CSMD1: variants seen among roughly 807,000 people sequenced by gnomAD.
The protein encoded by CSMD1 is CUB and sushi domain-containing protein 1.
A neutral mutation model predicts 417.5 loss-of-function variants in CSMD1; 213 were observed. The ratio of observed to expected loss-of-function variants is 0.51; its 90% CI spans 0.46 to 0.57. CSMD1 has a LOEUF of 0.57. Among genes scored for constraint, CSMD1 ranks in the 20% least tolerant of loss-of-function variants. The pLI is 0.00. For synonymous variants in CSMD1, 2,862 were observed against 1,736.8 expected, an observed-to-expected ratio of 1.65 and a Z score of -16.11; for missense variants, 6,923 against 4,529.7, an observed-to-expected ratio of 1.53 and a Z score of -15.17.
At chr8:3,045,967 T>A (rs1304323469) in intron 50 of CSMD1, among the ~76,000 whole-genome samples, 1 of 152,166 alleles carries the variant, frequency 6.6e-6, no homozygotes, top group Non-Finnish European at 1.5e-5. Context: ...ACCAATATGG[T>A]GTGTAGCCCT....
chr8:4,409,040 T>C (rs1223537375), intron 3 of CSMD1, among the ~76,000 whole-genome samples: 3 of 152,180 alleles, frequency 2.0e-5, no homozygotes, highest in Admixed American at 6.5e-5. Context: ...CACTTTGTCA[T>C]TTGGGTGCAC....
At chr8:3,251,365 G>C (rs1304020171) in intron 26 of CSMD1, among the ~76,000 whole-genome samples, 5 of 152,166 alleles carry the variant, frequency 3.3e-5, no homozygotes, top group Non-Finnish European at 5.9e-5. Context: ...TCAAAGATCA[G>C]ATAGTTGTAG....
chr8:3,306,084 A>G (rs1312394478), intron 25 of CSMD1, among the ~76,000 whole-genome samples: 2 of 152,000 alleles, frequency 1.3e-5, no homozygotes, highest in East Asian at 1.9e-4. Flanking sequence ...TGTAGGGAGA[A>G]CCTTTCTCAT....
chr8:4,330,642 T>G (rs1355633199), intron 3 of CSMD1, among the ~76,000 whole-genome samples: 2 of 152,112 alleles, frequency 1.3e-5, no homozygotes, highest in African/African-American at 4.8e-5. Flanking sequence ...ATATTTTATT[T>G]GTTTTCACAA....
At chr8:3,755,491 T>A (rs1797607864) in intron 5 of CSMD1, among the ~76,000 whole-genome samples, 1 of 151,966 alleles carries the variant, frequency 6.6e-6, no homozygotes, top group Non-Finnish European at 1.5e-5. Flanking sequence ...TTAAGCAAAT[T>A]GCTTTTAGCA....
At chr8:4,456,002 A>G (rs1007659620) in intron 2 of CSMD1, among the ~76,000 whole-genome samples, 1 of 135,860 alleles carries the variant, frequency 7.4e-6, no homozygotes, top group African/African-American at 2.7e-5. Flanking sequence ...TAAATTGCTT[A>G]TCTTCTCCTT....
chr8:4,562,860 T>C (rs917685279), intron 2 of CSMD1, among the ~76,000 whole-genome samples: 19 of 152,244 alleles, frequency 1.2e-4, no homozygotes, highest in African/African-American at 4.3e-4. Flanking sequence ...GCCTCCAAAA[T>C]ACCCACAAAA....
intron 3 of CSMD1, among the ~76,000 whole-genome samples, chr8:4,145,324 G>C (rs529052416): frequency 6.6e-6 from 1 of 150,946 alleles, no homozygotes; most frequent in East Asian, 1.9e-4. Flanking sequence ...ACCATTTTTT[G>C]AGGAAAAAAA....
chr8:3,140,511 C>T (rs954712269), intron 41 of CSMD1, among the ~76,000 whole-genome samples: 1 of 152,144 alleles, frequency 6.6e-6, no homozygotes, highest in Non-Finnish European at 1.5e-5. Flanking sequence ...CTGGTTTAGT[C>T]TCCAGTTTCC....
At chr8:4,923,030 A>G (rs180723965) in intron 1 of CSMD1, among the ~76,000 whole-genome samples, 333 of 152,326 alleles carry the variant, frequency 2.2e-3, no homozygotes, top group Non-Finnish European at 3.9e-3. Context: ...ATGGGGTGCT[A>G]CTACTCAGGC....
chr8:4,671,345 C>T (rs1433114017), intron 1 of CSMD1, among the ~76,000 whole-genome samples: 1 of 152,074 alleles, frequency 6.6e-6, no homozygotes, highest in Non-Finnish European at 1.5e-5. Context: ...CTAATTGATG[C>T]TGTTTATCTA....
chr8:3,145,052 T>TGTGTGTCTGTGTGA (rs1818759260), intron 40 of CSMD1, among the ~76,000 whole-genome samples: 1 of 151,970 alleles, frequency 6.6e-6, no homozygotes, highest in African/African-American at 2.4e-5. Flanking sequence ...GTTGTGTGTG[T>TGTGTGTCTGTGTGA]GTGTGTGCAT....
chr8:4,707,558 T>C lies in CSMD1; in HGVS notation c.86-70000A>G, dbSNP rs148499158. ...GGCCGCTTGTAGAACAGATGCTAACTAAATTCCCAGGTTTTTACTGCAAAC... is the reference window on the plus strand; with the variant it reads ...GGCCGCTTGTAGAACAGATGCTAACCAAATTCCCAGGTTTTTACTGCAAAC... On this transcript the variant is annotated intron_variant, in intron 1 of 69. Transcript: ENST00000635120. Among the ~76,000 whole-genome samples, 612 of 152,106 alleles carry C rather than the reference T, an allele frequency of 4.0e-3. 2 individuals are homozygous for C. The highest frequency in any genetic ancestry group is 0.02 in the Middle Eastern group (6 of 294).
intron 5 of CSMD1, among the ~76,000 whole-genome samples, chr8:3,764,180 A>G (rs575654578): frequency 6.6e-6 from 1 of 152,172 alleles, no homozygotes; most frequent in South Asian, 2.1e-4. Context: ...CTCCATTTAG[A>G]TTTGCACCGT....
rs147877837 is a variant in CSMD1, at chr8:4,075,841, C to T, written c.416-43742G>A. On this transcript the variant is annotated intron_variant, in intron 3 of 69. Coordinates refer to ENST00000635120, the MANE Select transcript of CSMD1 (RefSeq NM_033225.6). ...TTGTCAGAGTGAAAAAGGAAGCAGG[C>T]TATTGTCCTCAGGGAGCCAGTTCAT... 1.4e-4 allele frequency among the ~76,000 whole-genome samples: 21 copies of T among 152,200 alleles called. No homozygotes were observed. The East Asian group carries it at 3.3e-3, about 24-fold the overall frequency.
intron 52 of CSMD1, among the ~76,000 whole-genome samples, chr8:3,007,040 T>C: frequency 6.8e-6 from 1 of 146,044 alleles, no homozygotes; most frequent in African/African-American, 2.8e-5. Flanking sequence ...AAAGGGCTAA[T>C]ATCCAGAATC....
chr8:4,243,140 G>C (rs1311435236), intron 3 of CSMD1, among the ~76,000 whole-genome samples: 1 of 152,050 alleles, frequency 6.6e-6, no homozygotes, highest in Non-Finnish European at 1.5e-5. Flanking sequence ...TGAGCAGTTG[G>C]AAAAAGGAGA....
intron 8 of CSMD1, among the ~76,000 whole-genome samples, chr8:3,600,526 T>C (rs571389011): frequency 1.3e-5 from 2 of 152,302 alleles, no homozygotes; most frequent in Non-Finnish European, 2.9e-5. Context: ...ACTCAGAGAC[T>C]ATGAAATGTC....
intron 1 of CSMD1, among the ~76,000 whole-genome samples, chr8:4,882,559 C>T (rs1281012543): frequency 6.6e-6 from 1 of 151,662 alleles, no homozygotes; most frequent in Non-Finnish European, 1.5e-5. Flanking sequence ...GCTGAGGCAA[C>T]CCCACTTTCC....
Sources: gnomAD v4.1 joint callset for allele counts (sites outside exome capture counted in the v4.1 genomes callset) on GRCh38, gnomAD v4.1.1 for gene constraint, MANE v1.5 for transcripts, NCBI Gene and HGNC (gene_info 2026-07-23, HGNC 2026-07-21) for gene names.